Variants in RYR1 observed in about 807,000 individuals in gnomAD.
The protein encoded by RYR1 is ryanodine receptor 1, also known as central core disease of muscle.
A neutral mutation model predicts 583.5 loss-of-function variants in RYR1; 342 were observed. The ratio of observed to expected loss-of-function variants is 0.59; its 90% CI spans 0.54 to 0.64. RYR1 has a LOEUF of 0.64. Among genes scored for constraint, RYR1 ranks in the 30% least tolerant of loss-of-function variants. The pLI is 0.00. For missense variants in RYR1, 6,032 were observed against 6,917.2 expected (o/e 0.87, Z 4.54); for synonymous variants, 2,791 against 2,822.5 (o/e 0.99, Z 0.35).
Position 38,578,178 on chromosome 19 carries a change from A to C in RYR1, c.14338A>C (p.Lys4780Gln). 1 of 1,613,508 alleles carries C rather than the reference A, an allele frequency of 6.2e-7. No homozygotes were observed. The highest frequency in any genetic ancestry group is 8.5e-7 in the Non-Finnish European group (1 of 1,179,842). Reference protein sequence around the residue: ...MSIDVKYQIWKFGVIFTDNSF... With the variant: ...MSIDVKYQIWQFGVIFTDNSF... Reference sequence around the variant, plus strand: ...CATCGATGTCAAGTACCAGATCTGGAAGTTCGGGGTCATCTTCACAGACAA... The same window carrying C: ...CATCGATGTCAAGTACCAGATCTGGCAGTTCGGGGTCATCTTCACAGACAA... Residue 4780 changes from lysine to glutamine, a missense_variant, in exon 99 of 106, where the codon AAG (lysine) becomes CAG (glutamine). Lys to Gln is a moderately conservative substitution (Grantham distance 53, BLOSUM62 1). Transcript: ENST00000359596.
chr19:38,551,971 A>G (rs1666351093), intron 89 of RYR1, among the ~76,000 whole-genome samples: 2 of 152,120 alleles, frequency 1.3e-5, no homozygotes, highest in South Asian at 4.1e-4. Context: ...TCTTTGAGAC[A>G]GGGTCTTGCT....
chr19:38,461,091 T>A (rs959337536), intron 20 of RYR1, among the ~76,000 whole-genome samples: 2 of 151,760 alleles, frequency 1.3e-5, no homozygotes, highest in African/African-American at 2.4e-5. Context: ...GAGGCAGAGG[T>A]TGCAATGAGC....
chr19:38,463,877 G>A (rs778825223), intron 22 of RYR1, 27 bp downstream of exon 22: 3 of 1,581,486 alleles, frequency 1.9e-6, no homozygotes, highest in Non-Finnish European at 2.6e-6. Context: ...GCCGGGGGTT[G>A]GGGCTGGCTG....
chr19:38,503,051 T>A, intron 49 of RYR1, 81 bp downstream of exon 49: 1 of 1,401,284 alleles, frequency 7.1e-7, no homozygotes, highest in Non-Finnish European at 9.9e-7. Flanking sequence ...GGGGCTCATT[T>A]GTGTCGGCAC....
chr19:38,454,029 A>G (rs937238879), intron 13 of RYR1, among the ~76,000 whole-genome samples: 3 of 151,972 alleles, frequency 2.0e-5, no homozygotes, highest in African/African-American at 7.3e-5. Flanking sequence ...CAGATACAAC[A>G]ATTGTTTTGT....
At chr19:38,535,430 T>G (rs749441526) in intron 81 of RYR1, 38 bp downstream of exon 81, 2 of 1,480,778 alleles carry the variant, frequency 1.4e-6, no homozygotes. Flanking sequence ...AAGCTGTGTT[T>G]GGTGCCACTG....
chr19:38,564,581 G>A (rs1370997691), intron 90 of RYR1, among the ~76,000 whole-genome samples: 1 of 151,152 alleles, frequency 6.6e-6, no homozygotes, highest in Non-Finnish European at 1.5e-5. Context: ...GCAGTGGCAC[G>A]ATCACAGCTC....
intron 100 of RYR1, 117 bp from the exon 101 acceptor site, chr19:38,580,253 T>G (rs1599664640): frequency 6.3e-7 from 1 of 1,576,094 alleles, no homozygotes. Flanking sequence ...GAGCCGGGGG[T>G]GTGTGGGGCA....
chr19:38,469,525 G>GC lies in RYR1; in HGVS notation c.3765+16dup, dbSNP rs1390502644. 1.2e-6 allele frequency: 2 copies of GC among 1,610,766 alleles called. No individual in the cohort carries two copies. ...ACCCTCACTATGAGGTAAGGACTGA[G>GC]CCCCTCAATGCCTTCTCATCTGCCT... On this transcript the variant is annotated intron_variant, in intron 27 of 105. Coordinates refer to ENST00000359596, the MANE Select transcript of RYR1 (RefSeq NM_000540.3).
At chr19:38,572,384 G>A (rs1973760843) in intron 95 of RYR1, 114 bp downstream of exon 95, 1 of 1,218,896 alleles carries the variant, frequency 8.2e-7, no homozygotes, top group Non-Finnish European at 1.1e-6. Flanking sequence ...GACAGAGGGG[G>A]CCTAGGGTTG....
chr19:38,454,443 A>G (rs1166281906), intron 13 of RYR1, among the ~76,000 whole-genome samples: 1 of 152,270 alleles, frequency 6.6e-6, no homozygotes, highest in Non-Finnish European at 1.5e-5. Context: ...GATGTGCCTT[A>G]CTGAGAAAAT....
chr19:38,455,454 C>T lies in RYR1; in HGVS notation c.1580C>T (p.Ser527Phe), dbSNP rs751937934. Residue 527 changes from serine (S) to phenylalanine (F), a missense_variant, in exon 15 of 106, where the codon TCT becomes TTT. Around this residue, in one of 11 missense-constraint regions of RYR1, gnomAD observed 2,627 missense variants for 2,961.3 expected, o/e 0.89. Coordinates refer to ENST00000359596, the MANE Select transcript of RYR1 (RefSeq NM_000540.3). ...IVNLLYELLA[S>F]LIRGNRSNCA... is the part of the protein sequence containing the mutation. ...CTGACACCTCTTCCCCCCTCAGCTTCTCTAATCCGTGGCAATCGTAGCAAC... is the reference window on the plus strand; with the variant it reads ...CTGACACCTCTTCCCCCCTCAGCTTTTCTAATCCGTGGCAATCGTAGCAAC... 3 of 1,614,206 alleles carry T rather than the reference C, an allele frequency of 1.9e-6. No individual in the cohort carries two copies. The South Asian group carries it at 3.3e-5, about 18-fold the overall frequency.
At chr19:38,486,400 G>A (rs971021154) in intron 34 of RYR1, among the ~76,000 whole-genome samples, 198 bp downstream of exon 34, 4 of 152,110 alleles carry the variant, frequency 2.6e-5, no homozygotes, top group Non-Finnish European at 5.9e-5. Flanking sequence ...CTGGAGTGCA[G>A]TGGCGCAATC....
At chr19:38,516,984 G>A (rs1382058369) in intron 65 of RYR1, among the ~76,000 whole-genome samples, 5 of 152,118 alleles carry the variant, frequency 3.3e-5, no homozygotes, top group East Asian at 1.9e-4. Flanking sequence ...GGACTGAACC[G>A]GGTGTGGGAT....
intron 89 of RYR1, among the ~76,000 whole-genome samples, chr19:38,550,798 C>G (rs1362697673): frequency 2.0e-5 from 3 of 152,094 alleles, no homozygotes; most frequent in Non-Finnish European, 4.4e-5. Flanking sequence ...TGAGGATATA[C>G]TTTGAGGCTA....
At chr19:38,536,892 G>A (rs2145752793) in intron 83 of RYR1, 125 bp downstream of exon 83, 2 of 1,018,756 alleles carry the variant, frequency 2.0e-6, no homozygotes, top group South Asian at 1.3e-5. Flanking sequence ...TTCAGCAGGT[G>A]CACCCTGCCA....
intron 89 of RYR1, among the ~76,000 whole-genome samples, chr19:38,551,864 T>TA (rs2145801624): frequency 6.6e-6 from 1 of 152,322 alleles, no homozygotes; most frequent in African/African-American, 2.4e-5. Flanking sequence ...AGCTCATAGT[T>TA]ACCATATTCT....
intron 27 of RYR1, among the ~76,000 whole-genome samples, chr19:38,471,474 G>T (rs967502991): frequency 2.6e-5 from 4 of 152,152 alleles, no homozygotes; most frequent in Middle Eastern, 3.2e-3. Flanking sequence ...GGGCTGCAGT[G>T]AGCCGTGGTT....
intron 20 of RYR1, among the ~76,000 whole-genome samples, chr19:38,462,982 T>C (rs1162064150): frequency 7.3e-6 from 1 of 136,820 alleles, no homozygotes; most frequent in Non-Finnish European, 1.5e-5. Context: ...CTGCAACCTC[T>C]GCCTCCAGAG....
Sources: gnomAD v4.1 joint callset for allele counts (sites outside exome capture counted in the v4.1 genomes callset) on GRCh38, gnomAD v4.1.1 for gene constraint, gnomAD v4.1.1 regional missense constraint, MANE v1.5 for transcripts, NCBI Gene and HGNC (gene_info 2026-07-23, HGNC 2026-07-21) for gene names.